Variants in PIK3C2G observed in about 807,000 individuals in gnomAD.
The protein encoded by PIK3C2G is phosphatidylinositol-4-phosphate 3-kinase catalytic subunit type 2 gamma.
Under a neutral mutation model 181.1 loss-of-function variants are expected in PIK3C2G, and 168 were observed. The observed-to-expected ratio is 0.93, with a 90% CI of 0.82 to 1.05. PIK3C2G has a LOEUF of 1.05. Ranked by LOEUF, PIK3C2G falls within the 50% of genes least tolerant of loss-of-function variation. PIK3C2G has a pLI of 0.00. For synonymous variants in PIK3C2G, 573 were observed against 592.2 expected (o/e 0.97, Z 0.47); for missense variants, 1,869 against 1,732.8 (o/e 1.08, Z -1.40).
At chr12:18,356,424 C>T (rs893579875) in intron 11 of PIK3C2G, among the ~76,000 whole-genome samples, 2 of 152,096 alleles carry the variant, frequency 1.3e-5, no homozygotes, top group African/African-American at 4.8e-5. Flanking sequence ...AGGAGTAGAA[C>T]TCCATGTGGC....
chr12:18,401,512 A>C (rs1036118466), intron 16 of PIK3C2G, among the ~76,000 whole-genome samples: 1 of 152,192 alleles, frequency 6.6e-6, no homozygotes, highest in African/African-American at 2.4e-5. Context: ...GACTTGGGCT[A>C]TTAGCACAAT....
intron 13 of PIK3C2G, among the ~76,000 whole-genome samples, chr12:18,377,323 A>C (rs1366389798): frequency 6.6e-6 from 1 of 152,256 alleles, no homozygotes; most frequent in Admixed American, 6.5e-5. Flanking sequence ...CAATGAATTT[A>C]TACGATATAT....
rs145967509 is a variant in PIK3C2G, at chr12:18,426,494, A to G, written c.2504+2455A>G. On this transcript the variant is annotated intron_variant, in intron 18 of 32. Coordinates refer to ENST00000538779, the MANE Select transcript of PIK3C2G (RefSeq NM_001288772.2). ...ATATTCTTTGCATACTGTTCTTCCT[A>G]CTTTCCTTTGTATTGTTAACCTTGT... 6.7e-3 allele frequency among the ~76,000 whole-genome samples: 1,022 copies of G among 152,210 alleles called. 12 individuals carry two copies. Among genetic ancestry groups the G allele is most frequent in the African/African-American group, 0.023 (972 of 41,542 alleles).
chr12:18,536,297 A>G (rs945290377), intron 24 of PIK3C2G, among the ~76,000 whole-genome samples: 23 of 152,098 alleles, frequency 1.5e-4, no homozygotes, highest in African/African-American at 5.3e-4. Flanking sequence ...TGCAGACAAT[A>G]CTATTTAAAA....
At chr12:18,677,755 A>G in the PIK3C2G span, among the ~76,000 whole-genome samples, 8 of 152,260 alleles carry the variant, frequency 5.3e-5, no homozygotes, top group Admixed American at 1.3e-4. Context: ...ACTGGTCTAC[A>G]TTTAAAACAA....
chr12:18,516,214 T>C (rs981225005), intron 24 of PIK3C2G, among the ~76,000 whole-genome samples: 2 of 151,754 alleles, frequency 1.3e-5, no homozygotes, highest in Non-Finnish European at 2.9e-5. Context: ...TGTCTCTCCA[T>C]GATGTTTTAA....
At chr12:18,638,694 T>C (rs1949706646) in intron 31 of PIK3C2G, among the ~76,000 whole-genome samples, 2 of 152,064 alleles carry the variant, frequency 1.3e-5, no homozygotes, top group Admixed American at 6.6e-5. Flanking sequence ...TAACCAGATA[T>C]CTGGGCATCC....
chr12:18,491,092 T>TCA lies in PIK3C2G; in HGVS notation c.2686-358_2686-357dup, dbSNP rs150598699. Among the ~76,000 whole-genome samples the TCA allele has an allele frequency of 6.6e-3, 1,000 of 152,284 alleles. 11 individuals carry two copies. Among genetic ancestry groups the TCA allele is most frequent in the African/African-American group, 0.023 (973 of 41,542 alleles). ...ATTTCAGAAAATTATCAGAAAAGGA[T>TCA]CATGTTAATAATTACATAAAGCAGG... On this transcript the variant is annotated intron_variant, in intron 19 of 32. Coordinates refer to ENST00000538779, the MANE Select transcript of PIK3C2G (RefSeq NM_001288772.2).
At chr12:18,390,827 A>G (rs540961449) in intron 14 of PIK3C2G, among the ~76,000 whole-genome samples, 133 of 152,292 alleles carry the variant, frequency 8.7e-4, no homozygotes, top group Non-Finnish European at 1.5e-3. Context: ...AATGTAACAT[A>G]TTAATCTTTA....
intron 24 of PIK3C2G, among the ~76,000 whole-genome samples, chr12:18,532,507 A>G (rs7978424): frequency 0.78 from 119,334 of 152,146 alleles, 47,645 homozygotes; most frequent in East Asian, 0.96. Flanking sequence ...TTAGGTATGA[A>G]GTTTGGGTCG....
intron 31 of PIK3C2G, among the ~76,000 whole-genome samples, chr12:18,639,104 AGTACCG>A (rs1949730270): frequency 6.6e-6 from 1 of 152,096 alleles, no homozygotes; most frequent in South Asian, 2.1e-4. Flanking sequence ...GCTCCAATAA[AGTACCG>A]GTCCTCATTC....
At chr12:18,347,277 T>C (rs1299081745) in intron 11 of PIK3C2G, among the ~76,000 whole-genome samples, 1 of 152,122 alleles carries the variant, frequency 6.6e-6, no homozygotes, top group East Asian at 1.9e-4. Flanking sequence ...TTTGCAAGAA[T>C]TGTACCTTGA....
chr12:18,330,853 G>C (rs967756352), intron 8 of PIK3C2G, among the ~76,000 whole-genome samples: 1 of 152,086 alleles, frequency 6.6e-6, no homozygotes, highest in Non-Finnish European at 1.5e-5. Flanking sequence ...TGGTTCGTTC[G>C]CTTGCTTTTT....
the PIK3C2G span, among the ~76,000 whole-genome samples, chr12:18,666,184 A>G: frequency 6.6e-6 from 1 of 152,004 alleles, no homozygotes; most frequent in South Asian, 2.1e-4. Context: ...AGAAATTAAT[A>G]ATTAAAAGAT....
intron 18 of PIK3C2G, among the ~76,000 whole-genome samples, chr12:18,478,164 G>T (rs1939192991): frequency 6.6e-6 from 1 of 152,142 alleles, no homozygotes. Flanking sequence ...ACTCAGTTCA[G>T]AACCACATTT....
In PIK3C2G at chr12:18,648,271, T is replaced by A; in HGVS notation, c.*243T>A. 1 of 266,584 alleles carries A rather than the reference T, an allele frequency of 3.8e-6. No homozygotes were observed. Among genetic ancestry groups the A allele is most frequent in the Non-Finnish European group, 7.1e-6 (1 of 141,628 alleles). The allele number at this position is 266,584 out of a possible 1,614,324, so 16.5% of individuals were successfully genotyped here. On this transcript the variant is annotated 3_prime_UTR_variant, in exon 33 of 33. Transcript: ENST00000538779. ...GCATGAAATTTGATGTGTAAAATAA[T>A]AAAAGACCTTTATTAAATCATTTTA...
intron 24 of PIK3C2G, among the ~76,000 whole-genome samples, chr12:18,515,295 A>G (rs1459712307): frequency 1.3e-5 from 2 of 151,964 alleles, no homozygotes. Flanking sequence ...AGAGTTTGGT[A>G]AGAATTTGTA....
intron 26 of PIK3C2G, among the ~76,000 whole-genome samples, chr12:18,561,676 TAAAA>T (rs1314971802): frequency 6.7e-6 from 1 of 150,040 alleles, no homozygotes; most frequent in Non-Finnish European, 1.5e-5. Flanking sequence ...GAATTAAAAA[TAAAA>T]AAAGAAGAGG....
chr12:18,537,225 T>C (rs1389621599), intron 24 of PIK3C2G, among the ~76,000 whole-genome samples: 4 of 152,118 alleles, frequency 2.6e-5, no homozygotes, highest in African/African-American at 9.7e-5. Flanking sequence ...AAAACAATTA[T>C]GTTTTATTAT....
Sources: gnomAD v4.1 joint callset for allele counts (sites outside exome capture counted in the v4.1 genomes callset) on GRCh38, gnomAD v4.1.1 for gene constraint, MANE v1.5 for transcripts, NCBI Gene and HGNC (gene_info 2026-07-23, HGNC 2026-07-21) for gene names.